Variants in LPXN observed in about 807,000 individuals in gnomAD.
LPXN encodes leupaxin.
A neutral mutation model predicts 45.6 loss-of-function variants in LPXN; 28 were observed. That is an observed-to-expected ratio of 0.61 (90% CI 0.45 to 0.84). The LOEUF is 0.84. LPXN is among the 40% of genes least tolerant of loss of function. LPXN has a pLI of 0.00. For synonymous variants in LPXN, 166 were observed against 169.9 expected (o/e 0.98, Z 0.18); for missense variants, 459 against 475.0 (o/e 0.97, Z 0.31).
In LPXN at chr11:58,551,237, C is replaced by T. The variant is rs751388354; in HGVS notation, c.319-5G>A. The T allele has an allele frequency of 6.3e-7, 1 of 1,597,352 alleles. No homozygotes were observed. Among genetic ancestry groups the T allele is most frequent in the Non-Finnish European group, 8.5e-7 (1 of 1,173,160 alleles). ...AGCATCTGCTCTCACTGCAACCTGG[C>T]CCAAGGGAAGAACCAAGAACAGAAT... On this transcript the variant is annotated splice_region_variant and splice_polypyrimidine_tract_variant and intron_variant, in intron 4 of 8. Transcript: ENST00000395074.
intron 7 of LPXN, among the ~76,000 whole-genome samples, chr11:58,536,901 G>GA (rs924881488): frequency 6.1e-5 from 9 of 146,632 alleles, no homozygotes; most frequent in East Asian, 4.0e-4. Flanking sequence ...ATAAACATAT[G>GA]AAAAAAAAAA....
intron 1 of LPXN, among the ~76,000 whole-genome samples, chr11:58,572,469 A>G (rs565601096): frequency 6.6e-6 from 1 of 152,322 alleles, no homozygotes; most frequent in South Asian, 2.1e-4. Flanking sequence ...TGAGAGACTT[A>G]TAATAAATTT....
chr11:58,539,375 G>T (rs1853648042), intron 7 of LPXN, among the ~76,000 whole-genome samples: 1 of 152,100 alleles, frequency 6.6e-6, no homozygotes, highest in South Asian at 2.1e-4. Context: ...TAGAAGAAAT[G>T]ACATCCCAGA....
chr11:58,576,654 T>C (rs905437552), upstream of LPXN, among the ~76,000 whole-genome samples: 2 of 152,200 alleles, frequency 1.3e-5, no homozygotes, highest in African/African-American at 4.8e-5. Context: ...ATAGATTTTT[T>C]CCCCCTTTTT....
At chr11:58,532,171 C>T (rs1853409335) in intron 7 of LPXN, among the ~76,000 whole-genome samples, 1 of 152,246 alleles carries the variant, frequency 6.6e-6, no homozygotes, top group Non-Finnish European at 1.5e-5. Flanking sequence ...TGCCAGGCCT[C>T]AGCTGCCTCC....
intron 5 of LPXN, among the ~76,000 whole-genome samples, chr11:58,550,589 C>T (rs541480573): frequency 2.0e-5 from 3 of 152,168 alleles, no homozygotes; most frequent in Admixed American, 1.3e-4. Flanking sequence ...ATCATAGCTT[C>T]GGTGAAGGAC....
At chr11:58,530,141 G>A (rs1590748786) in intron 7 of LPXN, among the ~76,000 whole-genome samples, 1 of 152,298 alleles carries the variant, frequency 6.6e-6, no homozygotes, top group East Asian at 1.9e-4. Context: ...AGCTTTAGAA[G>A]TTTTTTTGTT....
At chr11:58,555,175 T>A (rs1221710083) in intron 3 of LPXN, among the ~76,000 whole-genome samples, 1 of 152,184 alleles carries the variant, frequency 6.6e-6, no homozygotes, top group Non-Finnish European at 1.5e-5. Flanking sequence ...AAAAGTATTA[T>A]ATCTCCTGTC....
chr11:58,543,524 T>C (rs1028876480), intron 7 of LPXN, among the ~76,000 whole-genome samples: 5 of 152,188 alleles, frequency 3.3e-5, no homozygotes, highest in Admixed American at 2.0e-4. Context: ...CTGTCTACAG[T>C]ACTAAATTAA....
intron 4 of LPXN, among the ~76,000 whole-genome samples, chr11:58,551,745 A>G (rs1854057191): frequency 6.6e-6 from 1 of 152,230 alleles, no homozygotes; most frequent in Non-Finnish European, 1.5e-5. Flanking sequence ...GATAAGTTAT[A>G]GAAAGAGATA....
At chr11:58,533,584 C>T (rs1406849817) in intron 7 of LPXN, among the ~76,000 whole-genome samples, 1 of 152,122 alleles carries the variant, frequency 6.6e-6, no homozygotes, top group Non-Finnish European at 1.5e-5. Context: ...ATTGTAAAGA[C>T]CATAGATGCT....
chr11:58,574,910 C>A (rs1443281466), intron 1 of LPXN, among the ~76,000 whole-genome samples: 1 of 152,060 alleles, frequency 6.6e-6, no homozygotes, highest in African/African-American at 2.4e-5. Context: ...TTTTGACATA[C>A]CCTATCCCCA....
At chr11:58,574,195 C>A (rs1854805112) in intron 1 of LPXN, among the ~76,000 whole-genome samples, 1 of 152,206 alleles carries the variant, frequency 6.6e-6, no homozygotes, top group Non-Finnish European at 1.5e-5. Context: ...CTACTTGGTA[C>A]TTTCTGTATT....
chr11:58,531,695 G>A (rs1458697227), intron 7 of LPXN, among the ~76,000 whole-genome samples: 2 of 152,174 alleles, frequency 1.3e-5, no homozygotes, highest in Non-Finnish European at 2.9e-5. Context: ...TCAAATTCAG[G>A]AAATACAGAG....
At chr11:58,537,688 G>GT (rs759784525) in intron 7 of LPXN, among the ~76,000 whole-genome samples, 5 of 152,170 alleles carry the variant, frequency 3.3e-5, no homozygotes, top group Non-Finnish European at 5.9e-5. Context: ...GTTCATTCAA[G>GT]TAACTTTAAA....
intron 4 of LPXN, among the ~76,000 whole-genome samples, chr11:58,553,335 C>CAAAAAAAAAAAAAAAAAA: frequency 1.5e-5 from 1 of 68,426 alleles, no homozygotes; most frequent in Non-Finnish European, 2.7e-5. Context: ...GAATCTGTCT[C>CAAAAAAAAAAAAAAAAAA]AAAAAAAAAA....
At chr11:58,560,901 C>T (rs1044878819) in intron 3 of LPXN, among the ~76,000 whole-genome samples, 6 of 152,126 alleles carry the variant, frequency 3.9e-5, no homozygotes, top group Non-Finnish European at 5.9e-5. Flanking sequence ...TATTGCTGGA[C>T]ACCTAGATTG....
At chr11:58,557,617 T>G (rs1020080017) in intron 3 of LPXN, among the ~76,000 whole-genome samples, 1 of 152,168 alleles carries the variant, frequency 6.6e-6, no homozygotes, top group Non-Finnish European at 1.5e-5. Context: ...TGAACAAGCC[T>G]AGAGATCTAA....
At chr11:58,574,257 A>T (rs768220787) in intron 1 of LPXN, among the ~76,000 whole-genome samples, 1 of 152,220 alleles carries the variant, frequency 6.6e-6, no homozygotes, top group Non-Finnish European at 1.5e-5. Flanking sequence ...GCAAAACAAT[A>T]TAAGTTTCTG....
Sources: allele counts gnomAD v4.1 joint callset (sites outside exome capture counted in the v4.1 genomes callset), GRCh38; gene constraint gnomAD v4.1.1; transcripts MANE v1.5; gene names NCBI Gene and HGNC (gene_info 2026-07-23, HGNC 2026-07-21).